Variants in M1AP observed in about 807,000 individuals in gnomAD.
M1AP encodes meiosis 1 arrest protein.
In M1AP, 39 loss-of-function variants were observed where a neutral mutation model predicts 51.2. The ratio of observed to expected loss-of-function variants is 0.76; its 90% CI spans 0.59 to 1.00. M1AP has a LOEUF of 1.00. Among genes scored for constraint, M1AP ranks in the 50% least tolerant of loss-of-function variants. M1AP has a pLI of 0.00. For synonymous variants in M1AP, 251 were observed against 249.2 expected, an observed-to-expected ratio of 1.01 and a Z score of -0.07; for missense variants, 545 against 641.2, an observed-to-expected ratio of 0.85 and a Z score of 1.62.
intron 4 of M1AP, among the ~76,000 whole-genome samples, chr2:74,591,335 G>T (rs1680024943): frequency 6.6e-6 from 1 of 152,126 alleles, no homozygotes; most frequent in Non-Finnish European, 1.5e-5. Context: ...GATCACTATT[G>T]ATTGAAATAT....
intron 2 of M1AP, chr2:74,628,856 G>T: frequency 2.3e-6 from 1 of 436,918 alleles, no homozygotes; most frequent in African/African-American, 2.0e-5. Context: ...TCTGATTTTT[G>T]GATTTTTTTG....
intron 1 of M1AP, among the ~76,000 whole-genome samples, chr2:74,641,736 G>GT (rs967560850): frequency 1.3e-5 from 2 of 149,838 alleles, no homozygotes; most frequent in African/African-American, 2.5e-5. Flanking sequence ...TCGGCCTCCT[G>GT]AAGTGCTGGG....
At chr2:74,611,730 G>A (rs898769680) in intron 3 of M1AP, among the ~76,000 whole-genome samples, 3 of 151,686 alleles carry the variant, frequency 2.0e-5, no homozygotes, top group African/African-American at 7.3e-5. Flanking sequence ...TATTCGGGAA[G>A]CTGAGGCAGG....
chr2:74,575,917 C>G (rs1043124739), intron 6 of M1AP, among the ~76,000 whole-genome samples: 4 of 152,154 alleles, frequency 2.6e-5, no homozygotes, highest in Non-Finnish European at 5.9e-5. Context: ...TGCAGTGGTT[C>G]AATTAACTCA....
intron 4 of M1AP, among the ~76,000 whole-genome samples, chr2:74,582,175 A>G (rs1448421214): frequency 1.3e-5 from 2 of 152,254 alleles, no homozygotes; most frequent in Middle Eastern, 3.4e-3. Context: ...CCTCAAAGCA[A>G]TCTTCTTGTC....
At chr2:74,623,805 G>A (rs1423865061) in intron 2 of M1AP, among the ~76,000 whole-genome samples, 1 of 152,062 alleles carries the variant, frequency 6.6e-6, no homozygotes, top group Non-Finnish European at 1.5e-5. Context: ...TGGAGTAGCT[G>A]GGACTACAGG....
At chr2:74,639,582 G>A (rs943869625) in intron 2 of M1AP, among the ~76,000 whole-genome samples, 2 of 152,196 alleles carry the variant, frequency 1.3e-5, no homozygotes, top group Non-Finnish European at 2.9e-5. Context: ...ATATTTTCAT[G>A]TTTTTGCATA....
At chr2:74,614,544 C>T (rs186259760) in intron 3 of M1AP, among the ~76,000 whole-genome samples, 5 of 152,190 alleles carry the variant, frequency 3.3e-5, no homozygotes, top group Non-Finnish European at 7.4e-5. Flanking sequence ...TTGCTAATCC[C>T]GAGAAAAGTT....
intron 1 of M1AP, among the ~76,000 whole-genome samples, chr2:74,643,762 TTG>T (rs1683448483): frequency 1.3e-5 from 2 of 152,054 alleles, no homozygotes; most frequent in East Asian, 3.9e-4. Flanking sequence ...CCTCTCTAAT[TTG>T]TGTGTTTTTT....
At chr2:74,630,906 GTACTC>G (rs1355209218) in intron 2 of M1AP, among the ~76,000 whole-genome samples, 1 of 152,088 alleles carries the variant, frequency 6.6e-6, no homozygotes, top group Non-Finnish European at 1.5e-5. Flanking sequence ...TGATCACTCC[GTACTC>G]TACTCTGTTT....
At chr2:74,622,543 CT>C (rs534273779) in intron 2 of M1AP, among the ~76,000 whole-genome samples, 21,163 of 117,108 alleles carry the variant, frequency 0.18, 1,786 homozygotes, top group East Asian at 0.67. Flanking sequence ...CCATTGCCTG[CT>C]TTTTTTTTTT....
At position 74,560,252 on chromosome 2, in the gene M1AP, G is replaced by C; in HGVS notation, c.1321C>G (p.Pro441Ala). Residue 441 changes from proline to alanine, a missense_variant, in exon 9 of 11, where the codon CCC becomes GCC. Pro to Ala is a conservative substitution (Grantham distance 27, BLOSUM62 -1). Coordinates refer to ENST00000421985, the MANE Select transcript of M1AP (RefSeq NM_001321739.2). Reference sequence around the variant, plus strand: ...TACAGGTGGCTTTGAACATGCAAGGGGTTGTAGGTGGGCTCCAGCTCCAGG... The same window carrying C: ...TACAGGTGGCTTTGAACATGCAAGGCGTTGTAGGTGGGCTCCAGCTCCAGG... ...DSLELEPTYNPLHVQSHLYSH... is the reference protein window; with the variant it reads ...DSLELEPTYNALHVQSHLYSH... 6.2e-7 allele frequency: 1 copy of C among 1,613,208 alleles called. No individual in the cohort carries two copies. Among genetic ancestry groups the C allele is most frequent in the Non-Finnish European group, 8.5e-7 (1 of 1,179,588 alleles).
At chr2:74,629,505 C>G (rs1041275700) in intron 2 of M1AP, among the ~76,000 whole-genome samples, 1 of 152,138 alleles carries the variant, frequency 6.6e-6, no homozygotes, top group Non-Finnish European at 1.5e-5. Context: ...GTAATCCCAG[C>G]ACTTTGGGAG....
chr2:74,648,268 T>C lies in M1AP; in HGVS notation c.-56A>G, dbSNP rs1683721485. 5 of 985,144 alleles carry C rather than the reference T, an allele frequency of 5.1e-6. No individual in the cohort carries two copies. Among genetic ancestry groups the C allele is most frequent in the Admixed American group, 6.1e-5 (1 of 16,274 alleles). 61.0% of individuals were successfully genotyped at this position (985,144 alleles called of 1,614,324 possible). A position where few individuals can be genotyped will look rare whatever the true frequency, so the allele number is the denominator to read the frequency against. On this transcript the variant is annotated 5_prime_UTR_variant, in exon 1 of 11. Coordinates refer to ENST00000421985, the MANE Select transcript of M1AP (RefSeq NM_001321739.2). ...CCCGAGGCGTGGAGAACCGTACCTG[T>C]CTTCGGAAGACGGAGGCCCCCTCAC...
chr2:74,615,991 A>C (rs1324715312), intron 2 of M1AP, among the ~76,000 whole-genome samples: 2 of 152,166 alleles, frequency 1.3e-5, no homozygotes, highest in Non-Finnish European at 2.9e-5. Context: ...TGAGCTGTAA[A>C]CCTGCCAGAA....
chr2:74,604,852 G>C (rs1680877112), intron 4 of M1AP, among the ~76,000 whole-genome samples: 1 of 152,142 alleles, frequency 6.6e-6, no homozygotes, highest in Non-Finnish European at 1.5e-5. Flanking sequence ...GGAACAAGGG[G>C]AAAGATCACT....
intron 4 of M1AP, among the ~76,000 whole-genome samples, chr2:74,597,139 A>G (rs532244698): frequency 5.5e-4 from 84 of 152,312 alleles, no homozygotes; most frequent in Non-Finnish European, 1.0e-3. Flanking sequence ...GAAAGGAAAA[A>G]TTTTTTAAAT....
intron 2 of M1AP, among the ~76,000 whole-genome samples, chr2:74,624,516 T>C (rs992732392): frequency 6.6e-6 from 1 of 152,184 alleles, no homozygotes; most frequent in African/African-American, 2.4e-5. Flanking sequence ...GAAACCAGAA[T>C]GCAGTTTAGG....
chr2:74,635,429 A>G (rs1682929996), intron 2 of M1AP, among the ~76,000 whole-genome samples: 1 of 152,050 alleles, frequency 6.6e-6, no homozygotes, highest in Non-Finnish European at 1.5e-5. Flanking sequence ...TTTTCAAAGA[A>G]TCAACTTCTT....
Sources: allele counts gnomAD v4.1 joint callset (sites outside exome capture counted in the v4.1 genomes callset), GRCh38; gene constraint gnomAD v4.1.1; transcripts MANE v1.5; gene names NCBI Gene and HGNC (gene_info 2026-07-23, HGNC 2026-07-21).